NRXN1: variants seen among roughly 807,000 people sequenced by gnomAD.
The protein encoded by NRXN1 is neurexin 1.
NRXN1 carries 39 observed loss-of-function variants against 150.9 expected under a neutral mutation model. That is an observed-to-expected ratio of 0.26 (90% CI 0.20 to 0.34). NRXN1 has a LOEUF of 0.34. NRXN1 is among the 10% of genes least tolerant of loss of function. NRXN1 has a pLI of 1.00. For synonymous variants in NRXN1, 924 were observed against 757.0 expected, an observed-to-expected ratio of 1.22 and a Z score of -3.62; for missense variants, 1,815 against 1,949.9, an observed-to-expected ratio of 0.93 and a Z score of 1.30.
intron 5 of NRXN1, among the ~76,000 whole-genome samples, chr2:50,832,177 T>C (rs1299186806): frequency 2.0e-5 from 3 of 151,694 alleles, no homozygotes; most frequent in Non-Finnish European, 4.4e-5. Flanking sequence ...CTGGCACCAA[T>C]GGAAAAGAGG....
At chr2:50,354,208 T>G (rs868340508) in intron 17 of NRXN1, among the ~76,000 whole-genome samples, 41 of 152,248 alleles carry the variant, frequency 2.7e-4, no homozygotes, top group Admixed American at 1.6e-3. Flanking sequence ...TGTTCTCATC[T>G]CACACCATGT....
intron 21 of NRXN1, among the ~76,000 whole-genome samples, chr2:49,995,259 A>T (rs62134646): frequency 0.47 from 71,025 of 152,004 alleles, 17,250 homozygotes; most frequent in Middle Eastern, 0.6. Context: ...AGGAATAACT[A>T]ATTGAAATGA....
chr2:50,774,258 A>C (rs1265490941), intron 5 of NRXN1, among the ~76,000 whole-genome samples: 1 of 152,170 alleles, frequency 6.6e-6, no homozygotes, highest in Non-Finnish European at 1.5e-5. Context: ...CAACAACAAA[A>C]ACTAAACCAA....
intron 17 of NRXN1, among the ~76,000 whole-genome samples, chr2:50,273,159 C>G (rs1050834041): frequency 3.3e-5 from 5 of 152,156 alleles, no homozygotes; most frequent in Non-Finnish European, 5.9e-5. Flanking sequence ...TTGGGCAACT[C>G]TCAACACTGT....
intron 5 of NRXN1, among the ~76,000 whole-genome samples, chr2:50,872,692 C>T (rs1677969384): frequency 6.6e-6 from 1 of 151,864 alleles, no homozygotes; most frequent in African/African-American, 2.4e-5. Context: ...GTGGCTCACT[C>T]TTGTAATCCC....
At chr2:50,332,383 C>A (rs1425671168) in intron 17 of NRXN1, among the ~76,000 whole-genome samples, 1 of 152,098 alleles carries the variant, frequency 6.6e-6, no homozygotes, top group African/African-American at 2.4e-5. Flanking sequence ...GAAATTTAAT[C>A]CAGGAAAATT....
chr2:50,651,746 C>T (rs1685671657), intron 5 of NRXN1, among the ~76,000 whole-genome samples: 1 of 151,858 alleles, frequency 6.6e-6, no homozygotes, highest in Non-Finnish European at 1.5e-5. Flanking sequence ...TTCTTTTTTC[C>T]ATTACTCACA....
intron 5 of NRXN1, among the ~76,000 whole-genome samples, chr2:50,735,009 T>C (rs1214297076): frequency 1.3e-5 from 2 of 152,188 alleles, no homozygotes; most frequent in Non-Finnish European, 2.9e-5. Context: ...ATGTGAAGCA[T>C]GTGTTGAAGG....
At chr2:50,717,235 C>T (rs748772615) in intron 5 of NRXN1, among the ~76,000 whole-genome samples, 48 of 152,104 alleles carry the variant, frequency 3.2e-4, no homozygotes, top group Non-Finnish European at 6.3e-4. Context: ...GACATTTATT[C>T]CTCTACTTTA....
At chr2:50,492,349 TG>T (rs2104873240) in intron 15 of NRXN1, among the ~76,000 whole-genome samples, 1 of 152,228 alleles carries the variant, frequency 6.6e-6, no homozygotes, top group Non-Finnish European at 1.5e-5. Context: ...AGAGATAAGC[TG>T]AACAAGGCCA....
chr2:50,612,185 C>T (rs1225140800), intron 8 of NRXN1, among the ~76,000 whole-genome samples: 1 of 152,068 alleles, frequency 6.6e-6, no homozygotes, highest in African/African-American at 2.4e-5. Context: ...CTTCACTTTT[C>T]CTATCTCCAT....
chr2:49,979,263 C>T (rs1679556944), intron 21 of NRXN1, among the ~76,000 whole-genome samples: 1 of 152,150 alleles, frequency 6.6e-6, no homozygotes, highest in African/African-American at 2.4e-5. Flanking sequence ...TGCCACTGCA[C>T]TCCAGCCTGG....
At chr2:50,237,420 A>T (rs537835665) in intron 17 of NRXN1, among the ~76,000 whole-genome samples, 1 of 152,032 alleles carries the variant, frequency 6.6e-6, no homozygotes, top group Non-Finnish European at 1.5e-5. Flanking sequence ...AAGTCGCAAC[A>T]AATGTGCTAG....
At chr2:50,187,094 CTA>C (rs1350432540) in intron 18 of NRXN1, among the ~76,000 whole-genome samples, 1 of 151,964 alleles carries the variant, frequency 6.6e-6, no homozygotes, top group Non-Finnish European at 1.5e-5. Flanking sequence ...ATGGCTGATT[CTA>C]TGTTTTAAAA....
intron 21 of NRXN1, among the ~76,000 whole-genome samples, chr2:50,016,225 T>C (rs914417760): frequency 6.6e-6 from 1 of 152,004 alleles, no homozygotes; most frequent in African/African-American, 2.4e-5. Context: ...CAAGATAAAA[T>C]GTATGAGTCT....
intron 8 of NRXN1, among the ~76,000 whole-genome samples, chr2:50,606,606 C>CAATAATAAG (rs1553875316): frequency 6.8e-6 from 1 of 146,948 alleles, no homozygotes; most frequent in Non-Finnish European, 1.5e-5. Flanking sequence ...GCTGCTCATA[C>CAATAATAAG]AATAATAATA....
At chr2:49,938,586 A>G (rs966864612) in intron 22 of NRXN1, among the ~76,000 whole-genome samples, 21 of 152,196 alleles carry the variant, frequency 1.4e-4, no homozygotes, top group Non-Finnish European at 2.6e-4. Flanking sequence ...TAGTTTTACA[A>G]AAGTTTAATT....
At chr2:50,400,796 A>G (rs1249897148) in intron 17 of NRXN1, among the ~76,000 whole-genome samples, 2 of 152,188 alleles carry the variant, frequency 1.3e-5, no homozygotes, top group Non-Finnish European at 2.9e-5. Context: ...CAAGAAGTGT[A>G]TGTTTTATTT....
chr2:51,020,685 G>A (rs1669467413), intron 2 of NRXN1, among the ~76,000 whole-genome samples: 1 of 151,920 alleles, frequency 6.6e-6, no homozygotes. Flanking sequence ...TGATTAGGTG[G>A]TTTCCCAATT....
Sources: allele counts gnomAD v4.1 joint callset (sites outside exome capture counted in the v4.1 genomes callset), GRCh38; gene constraint gnomAD v4.1.1; transcripts MANE v1.5; gene names NCBI Gene and HGNC (gene_info 2026-07-23, HGNC 2026-07-21).